The following ARID3A variants were observed in gnomAD, a reference collection of about 807,000 sequenced individuals.
ARID3A encodes the protein AT-rich interactive domain-containing protein 3A.
Under a neutral mutation model 52.7 loss-of-function variants are expected in ARID3A, and 11 were observed. The observed-to-expected ratio is 0.21, with a 90% CI of 0.13 to 0.35. ARID3A has a LOEUF of 0.35. Ranked by LOEUF, ARID3A falls within the 10% of genes least tolerant of loss-of-function variation. ARID3A has a pLI of 1.00. For synonymous variants in ARID3A, 404 were observed against 359.4 expected (o/e 1.12, Z -1.40); for missense variants, 721 against 838.5 (o/e 0.86, Z 1.73).
chr19:929,648 G>C lies in ARID3A; in HGVS notation c.120G>C (p.Arg40=), dbSNP rs769844957. Residue 40 remains arginine, a synonymous_variant, in exon 2 of 9, where the codon CGG becomes CGC. Transcript: ENST00000263620. The surrounding 1 kb of genome is among the most constrained non-coding windows in gnomAD (Gnocchi z 6.2). The part of the protein sequence containing the change: ...DPPAAPPGRA[R]AAPDEDREPE... ...CTGCTGCACCCCCCGGCCGGGCCCG[G>C]GCTGCCCCCGACGAGGACAGAGAGC... 1 of 1,535,998 alleles carries C rather than the reference G, an allele frequency of 6.5e-7. No homozygotes were observed. The highest frequency in any genetic ancestry group is 1.2e-5 in the South Asian group (1 of 84,154).
chr19:929,437 C>A lies in ARID3A; in HGVS notation c.-92C>A, dbSNP rs1350810778. On this transcript the variant is annotated 5_prime_UTR_variant, in exon 2 of 9. Coordinates refer to ENST00000263620, the MANE Select transcript of ARID3A (RefSeq NM_005224.3). The surrounding 1 kb of genome is among the most constrained non-coding windows in gnomAD (Gnocchi z 6.2). ...GCCCCCACGCTGCAGTGCGGCCGGGCCCCCTCCCCGCAGGGGCCGCCCCCG... is the reference window on the plus strand; with the variant it reads ...GCCCCCACGCTGCAGTGCGGCCGGGACCCCTCCCCGCAGGGGCCGCCCCCG... The A allele has an allele frequency of 2.6e-6, 3 of 1,154,574 alleles. No homozygotes were observed. Among genetic ancestry groups the A allele is most frequent in the Admixed American group, 9.1e-5 (2 of 21,928 alleles). 71.5% of individuals were successfully genotyped at this position (1,154,574 alleles called of 1,614,324 possible). A position where few individuals can be genotyped will look rare whatever the true frequency, so the allele number is the denominator to read the frequency against.
chr19:961,087 A>G (rs973785686), intron 4 of ARID3A, among the ~76,000 whole-genome samples: 1 of 151,798 alleles, frequency 6.6e-6, no homozygotes, highest in Admixed American at 6.6e-5. Flanking sequence ...CCCCCTGGAC[A>G]CTCCTCTAGG....
At chr19:955,977 A>T (rs2037908325) in intron 3 of ARID3A, among the ~76,000 whole-genome samples, 2 of 152,066 alleles carry the variant, frequency 1.3e-5, no homozygotes. Context: ...CGCCTCTCCC[A>T]GCTCCTGGGG....
rs2038003428 is a variant in ARID3A at position 959,895 on chromosome 19, T to C, written c.694-197T>C. Among the ~76,000 whole-genome samples the C allele has an allele frequency of 6.6e-6, 1 of 152,144 alleles. No individual in the cohort carries two copies. Among genetic ancestry groups the C allele is most frequent in the Non-Finnish European group, 1.5e-5 (1 of 68,022 alleles). On this transcript the variant is annotated intron_variant, in intron 3 of 8. Transcript: ENST00000263620. The surrounding 1 kb of genome is among the most constrained non-coding windows in gnomAD (Gnocchi z 5.0). Reference sequence around the variant, plus strand: ...CTTGCAGACCCTCTGGGAAGCTCGTTCACCGGCATTTCTGTCTTGCAGCCT... The same window carrying C: ...CTTGCAGACCCTCTGGGAAGCTCGTCCACCGGCATTTCTGTCTTGCAGCCT...
intron 3 of ARID3A, among the ~76,000 whole-genome samples, chr19:945,583 G>A (rs962772399): frequency 6.6e-6 from 1 of 152,200 alleles, no homozygotes; most frequent in African/African-American, 2.4e-5. Flanking sequence ...CCTGGGGTCT[G>A]GCAGAAGCTC....
Position 960,295 on chromosome 19 carries a change from T to G in ARID3A, c.766+131T>G. On this transcript the variant is annotated intron_variant, in intron 4 of 8. Coordinates refer to ENST00000263620, the MANE Select transcript of ARID3A (RefSeq NM_005224.3). The surrounding 1 kb of genome is among the most constrained non-coding windows in gnomAD (Gnocchi z 4.3). ...GCTGGAGGCATCCAAGGCTCCTAAATCGGGAGGGACTTCAGGGGTGTCTTG... is the reference window on the plus strand; with the variant it reads ...GCTGGAGGCATCCAAGGCTCCTAAAGCGGGAGGGACTTCAGGGGTGTCTTG... 1.3e-6 allele frequency: 1 copy of G among 748,358 alleles called. No individual in the cohort carries two copies. The highest frequency in any genetic ancestry group is 2.1e-6 in the Non-Finnish European group (1 of 482,274). 46.4% of individuals were successfully genotyped at this position (748,358 alleles called of 1,614,324 possible).
In ARID3A at chr19:967,911, G is replaced by A. The variant is rs2038193529; in HGVS notation, c.1496-494G>A. 4.0e-5 allele frequency among the ~76,000 whole-genome samples: 6 copies of A among 151,630 alleles called. No homozygotes were observed. The South Asian group carries it at 1.3e-3, about 32-fold the overall frequency. ...AATACAAAAATTAGCCGGGTGTGCTGGTGTGTACCCATAGTCCCAGCTACT... is the reference window on the plus strand; with the variant it reads ...AATACAAAAATTAGCCGGGTGTGCTAGTGTGTACCCATAGTCCCAGCTACT... On this transcript the variant is annotated intron_variant, in intron 7 of 8. Transcript: ENST00000263620.
At chr19:955,873 C>G (rs145845880) in intron 3 of ARID3A, among the ~76,000 whole-genome samples, 1 of 152,178 alleles carries the variant, frequency 6.6e-6, no homozygotes, top group Non-Finnish European at 1.5e-5. Context: ...GTAAAACAAA[C>G]GAAACCTGTT....
chr19:926,774 G>T (rs1458769180), intron 1 of ARID3A, among the ~76,000 whole-genome samples: 4 of 151,536 alleles, frequency 2.6e-5, no homozygotes. Flanking sequence ...ACACAAAAGC[G>T]GGCGCAGGAA....
At position 966,753 on chromosome 19, in the gene ARID3A, G is replaced by A. The variant is rs980459708; in HGVS notation, c.1380G>A (p.Glu460=). The change falls in exon 7 of 9, where the codon GAG becomes GAA. Residue 460 remains glutamate (E), a synonymous_variant. Coordinates refer to ENST00000263620, the MANE Select transcript of ARID3A (RefSeq NM_005224.3). ...AGCTGGAGTCTGCAGAGCCTCCGGA[G>A]AAGAAGATGGCCCTGGTGGCCGATG... ...REKLESAEPP[E]KKMALVADEQ... The A allele has an allele frequency of 6.2e-7, 1 of 1,613,218 alleles. No individual in the cohort carries two copies. The highest frequency in any genetic ancestry group is 1.3e-5 in the African/African-American group (1 of 74,956).
At chr19:946,551 C>T (rs996777871) in intron 3 of ARID3A, among the ~76,000 whole-genome samples, 3 of 151,074 alleles carry the variant, frequency 2.0e-5, no homozygotes, top group Non-Finnish European at 4.4e-5. Context: ...CGCCATTTTC[C>T]TGCCTCAGCC....
In ARID3A at chr19:941,060, G is replaced by A. The variant is rs563485510; in HGVS notation, c.693+8318G>A. On this transcript the variant is annotated intron_variant, in intron 3 of 8. Coordinates refer to ENST00000263620, the MANE Select transcript of ARID3A (RefSeq NM_005224.3). This position sits in a 1 kb window ranked among gnomAD's most constrained non-coding sequence, Gnocchi z 6.9. ...GGGTCACCGCCGCGGGGTCACCGCC[G>A]CCGCGGCCTGGCCCCACGCCCACCG... 6.0e-3 allele frequency among the ~76,000 whole-genome samples: 911 copies of A among 152,144 alleles called. 8 individuals are homozygous for A. Among genetic ancestry groups the A allele is most frequent in the African/African-American group, 0.02 (848 of 41,550 alleles).
chr19:960,104 G>A lies in ARID3A; in HGVS notation c.706G>A (p.Asp236Asn), dbSNP rs779139236. ...EEQFKQLYEL[D>N]GDPKRKEFLD... ...TCCACCCTCACAGCTCTACGAACTCGACGGGGACCCCAAGAGGAAGGAATT... is the reference window on the plus strand; with the variant it reads ...TCCACCCTCACAGCTCTACGAACTCAACGGGGACCCCAAGAGGAAGGAATT... The change falls in exon 4 of 9, where the codon GAC becomes AAC. Residue 236 changes from aspartate (D) to asparagine (N), a missense_variant. Coordinates refer to ENST00000263620, the MANE Select transcript of ARID3A (RefSeq NM_005224.3). The surrounding 1 kb of genome is among the most constrained non-coding windows in gnomAD (Gnocchi z 4.3). 2 of 1,613,022 alleles carry A rather than the reference G, an allele frequency of 1.2e-6. No homozygotes were observed. Among genetic ancestry groups the A allele is most frequent in the Non-Finnish European group, 1.7e-6 (2 of 1,179,464 alleles).
At position 932,689 on chromosome 19, in the gene ARID3A, C is replaced by A; in HGVS notation, c.640C>A (p.Gln214Lys). 1 of 1,547,058 alleles carries A rather than the reference C, an allele frequency of 6.5e-7. No individual in the cohort carries two copies. Among genetic ancestry groups the A allele is most frequent in the Non-Finnish European group, 8.7e-7 (1 of 1,146,368 alleles). Residue 214 changes from glutamine to lysine, a missense_variant, in exon 3 of 9, where the codon CAG becomes AAG. Coordinates refer to ENST00000263620, the MANE Select transcript of ARID3A (RefSeq NM_005224.3). ...CGGAGGGGCCGCCCACGTAGCCCCGCAGCTGCAGCCGCCTGACCACGGCGA... is the reference window on the plus strand; with the variant it reads ...CGGAGGGGCCGCCCACGTAGCCCCGAAGCTGCAGCCGCCTGACCACGGCGA... Reference protein sequence around the residue: ...HPGGAAHVAPQLQPPDHGDWT... With the variant: ...HPGGAAHVAPKLQPPDHGDWT...
rs1339968611 is a variant in ARID3A at position 960,300 on chromosome 19, A to G, written c.766+136A>G. On this transcript the variant is annotated intron_variant, in intron 4 of 8. Coordinates refer to ENST00000263620, the MANE Select transcript of ARID3A (RefSeq NM_005224.3). This position sits in a 1 kb window ranked among gnomAD's most constrained non-coding sequence, Gnocchi z 4.3. ...AGGCATCCAAGGCTCCTAAATCGGG[A>G]GGGACTTCAGGGGTGTCTTGGGGGG... is the stretch of plus-strand genomic sequence containing the variant. 4.3e-6 allele frequency: 3 copies of G among 696,530 alleles called. No individual in the cohort carries two copies. In the African/African-American group the frequency reaches 5.5e-5, roughly 13 times the overall value. The allele number at this position is 696,530 out of a possible 1,614,324, so 43.1% of individuals were successfully genotyped here. A position where few individuals can be genotyped will look rare whatever the true frequency, so the allele number is the denominator to read the frequency against.
chr19:960,010 C>A lies in ARID3A; in HGVS notation c.694-82C>A. On this transcript the variant is annotated intron_variant, in intron 3 of 8. Coordinates refer to ENST00000263620, the MANE Select transcript of ARID3A (RefSeq NM_005224.3). The surrounding 1 kb of genome is among the most constrained non-coding windows in gnomAD (Gnocchi z 4.3). The stretch of plus-strand genomic sequence containing the variant: ...GTGACCCCTGCTCCTGTCCTCCTGA[C>A]CTGGCCTCCAGTGCAGGAGGGACAT... 2.4e-6 allele frequency: 3 copies of A among 1,275,566 alleles called. No individual in the cohort carries two copies. The highest frequency in any genetic ancestry group is 1.3e-5 in the South Asian group (1 of 74,544). 79.0% of individuals were successfully genotyped at this position (1,275,566 alleles called of 1,614,324 possible).
At chr19:954,285 C>T (rs946102939) in intron 3 of ARID3A, among the ~76,000 whole-genome samples, 27 of 152,198 alleles carry the variant, frequency 1.8e-4, no homozygotes, top group Non-Finnish European at 3.7e-4. Flanking sequence ...GTTTCCCCTT[C>T]TCCGAAGCAG....
chr19:962,854 A>G (rs956093864), intron 4 of ARID3A, among the ~76,000 whole-genome samples: 1 of 151,998 alleles, frequency 6.6e-6, no homozygotes, highest in Non-Finnish European at 1.5e-5. Context: ...TGAGGCCTAA[A>G]CTGGTGTCCC....
At position 964,999 on chromosome 19, in the gene ARID3A, C is replaced by T. The variant is rs891123182; in HGVS notation, c.1117C>T (p.Pro373Ser). ...CGGGGCACACGGCATGCTCTCCTCACCCAAGCTACCCGTGTCCTCCCTGGG... is the reference window on the plus strand; with the variant it reads ...CGGGGCACACGGCATGCTCTCCTCATCCAAGCTACCCGTGTCCTCCCTGGG... ...PGGAHGMLSS[P>S]KLPVSSLGLA... Residue 373 changes from proline (P) to serine (S), a missense_variant, in exon 6 of 9, where the codon CCC (proline) becomes TCC (serine). Transcript: ENST00000263620. The surrounding 1 kb of genome is among the most constrained non-coding windows in gnomAD (Gnocchi z 5.7). 10 of 1,613,708 alleles carry T rather than the reference C, an allele frequency of 6.2e-6. No individual in the cohort carries two copies. The African/African-American group carries it at 9.3e-5, about 15-fold the overall frequency.
Sources: allele counts gnomAD v4.1 joint callset (sites outside exome capture counted in the v4.1 genomes callset), GRCh38; gene constraint gnomAD v4.1.1; non-coding constraint Gnocchi (gnomAD v3.1); transcripts MANE v1.5; gene names NCBI Gene and HGNC (gene_info 2026-07-23, HGNC 2026-07-21).